Variants in CDK1 observed in about 807,000 individuals in gnomAD.
CDK1 encodes the protein cyclin-dependent kinase 1.
A neutral mutation model predicts 34.6 loss-of-function variants in CDK1; 5 were observed. The ratio of observed to expected loss-of-function variants is 0.14; its 90% CI spans 0.08 to 0.30. The LOEUF (loss-of-function observed/expected upper bound fraction) is 0.30. Among genes scored for constraint, CDK1 ranks in the 10% least tolerant of loss-of-function variants. The pLI, the probability that CDK1 is intolerant of heterozygous loss-of-function variation, is 1.00. For missense variants in CDK1, 157 were observed against 345.7 expected (o/e 0.45, Z 4.33); for synonymous variants, 108 against 114.7 (o/e 0.94, Z 0.37).
intron 2 of CDK1, 90 bp downstream of exon 2, chr10:60,780,292 T>G: frequency 1.3e-6 from 1 of 774,228 alleles, no homozygotes; most frequent in Non-Finnish European, 2.2e-6. Flanking sequence ...TTTATTAAAA[T>G]TCAACCATTA....
intron 2 of CDK1, among the ~76,000 whole-genome samples, 168 bp from the exon 3 acceptor site, chr10:60,784,537 G>T (rs531949043): frequency 3.2e-4 from 49 of 152,180 alleles, no homozygotes; most frequent in Non-Finnish European, 4.7e-4. Context: ...GGCTGCCGTG[G>T]GAGGATCCCC....
intron 2 of CDK1, among the ~76,000 whole-genome samples, chr10:60,782,683 T>C (rs945575639): frequency 2.6e-5 from 4 of 152,202 alleles, no homozygotes; most frequent in African/African-American, 9.6e-5. Flanking sequence ...CTTAGACTGA[T>C]CTCCTTCTAG....
intron 2 of CDK1, 146 bp downstream of exon 2, chr10:60,780,348 A>C (rs1462327834): frequency 1.6e-6 from 1 of 612,792 alleles, no homozygotes; most frequent in Non-Finnish European, 2.9e-6. Flanking sequence ...TTCTTTACTT[A>C]ATAAACGCAA....
At chr10:60,779,025 G>A (rs114659128) in intron 1 of CDK1, among the ~76,000 whole-genome samples, 239 of 152,338 alleles carry the variant, frequency 1.6e-3, no homozygotes, top group African/African-American at 5.4e-3. Flanking sequence ...TACAGGCGCG[G>A]GTCCCTAGAG....
At chr10:60,785,931 GT>G in intron 4 of CDK1, 144 bp downstream of exon 4, 1 of 1,281,140 alleles carries the variant, frequency 7.8e-7, no homozygotes, top group Non-Finnish European at 9.9e-7. Context: ...CTCATGGTTA[GT>G]TTATACAGGT....
chr10:60,787,898 A>G (rs2080329538), intron 4 of CDK1, 162 bp from the exon 5 acceptor site: 1 of 426,410 alleles, frequency 2.3e-6, no homozygotes, highest in Admixed American at 4.1e-5. Context: ...GATGTTGTAT[A>G]TAAATGGGCT....
At chr10:60,778,415 A>T (rs2080240928), upstream of CDK1, 1 of 152,264 alleles carries the variant, frequency 6.6e-6, no homozygotes, top group Admixed American at 6.5e-5. Flanking sequence ...CTGCTTTGAA[A>T]GTCTACGGGC....
intron 1 of CDK1, among the ~76,000 whole-genome samples, chr10:60,779,328 T>A (rs1050335504): frequency 2.0e-5 from 3 of 152,204 alleles, no homozygotes; most frequent in Non-Finnish European, 4.4e-5. Context: ...TAATTATGCC[T>A]GGAGTTCTGA....
At chr10:60,786,465 A>C (rs988367585) in intron 4 of CDK1, 1 of 516,668 alleles carries the variant, frequency 1.9e-6, no homozygotes, top group South Asian at 8.4e-5. Context: ...AACCACTTCC[A>C]TATTGATGAA....
intron 4 of CDK1, chr10:60,786,255 A>T (rs2080314949): frequency 5.1e-6 from 5 of 972,808 alleles, no homozygotes; most frequent in Non-Finnish European, 6.1e-6. Flanking sequence ...CTACCAAACC[A>T]CTCTGCAGAG....
At chr10:60,784,924 T>C in intron 3 of CDK1, 63 bp downstream of exon 3, 1 of 1,451,254 alleles carries the variant, frequency 6.9e-7, no homozygotes, top group Admixed American at 1.8e-5. Context: ...AAATTTCAAC[T>C]TGGAAATCTT....
At chr10:60,784,344 G>A (rs1288800966) in intron 2 of CDK1, among the ~76,000 whole-genome samples, 1 of 152,092 alleles carries the variant, frequency 6.6e-6, no homozygotes, top group Non-Finnish European at 1.5e-5. Context: ...AAATCCTTTA[G>A]TTTGACCAGG....
rs1325674275 is a variant in CDK1, at chr10:60,784,609, A to G, written c.38-96A>G. 6 of 1,057,112 alleles carry G rather than the reference A, an allele frequency of 5.7e-6. No homozygotes were observed. The Admixed American group carries it at 7.1e-5, about 12-fold the overall frequency. The allele number at this position is 1,057,112 out of a possible 1,614,324, so 65.5% of individuals were successfully genotyped here. ...TGACCCACTGCACTCCAACCTGGAC[A>G]AGAAAACAAGACCCTGCCATAAGGA... On this transcript the variant is annotated intron_variant, in intron 2 of 7. Transcript: ENST00000395284.
At position 60,790,933 on chromosome 10, in the gene CDK1, T is replaced by C. The variant is rs375203291; in HGVS notation, c.490-957T>C. On this transcript the variant is annotated intron_variant, in intron 5 of 7. Transcript: ENST00000395284. ...CATGATGTTTCGGTTACTATAGCTTTGTAATACATTTTTGAAGTCAGGTGA... is the reference window on the plus strand; with the variant it reads ...CATGATGTTTCGGTTACTATAGCTTCGTAATACATTTTTGAAGTCAGGTGA... 3.3e-5 allele frequency among the ~76,000 whole-genome samples: 5 copies of C among 152,330 alleles called. No individual in the cohort carries two copies. The East Asian group carries it at 9.6e-4, about 29-fold the overall frequency.
chr10:60,784,272 C>A (rs1202003358), intron 2 of CDK1, among the ~76,000 whole-genome samples: 2 of 152,180 alleles, frequency 1.3e-5, no homozygotes, highest in African/African-American at 4.8e-5. Context: ...GAGTAAGATA[C>A]TTCCCATATG....
At chr10:60,786,751 GA>G in intron 4 of CDK1, 4 of 524,020 alleles carry the variant, frequency 7.6e-6, no homozygotes, top group African/African-American at 2.1e-5. Flanking sequence ...TTAACTATGT[GA>G]AAAAGGCATA....
chr10:60,784,533 C>T (rs543184265), intron 2 of CDK1, among the ~76,000 whole-genome samples, 172 bp from the exon 3 acceptor site: 3 of 151,836 alleles, frequency 2.0e-5, no homozygotes, highest in South Asian at 2.1e-4. Flanking sequence ...GGGAGGCTGC[C>T]GTGGGAGGAT....
At chr10:60,788,020 T>A (rs2080330460) in intron 4 of CDK1, 40 bp from the exon 5 acceptor site, 1 of 988,700 alleles carries the variant, frequency 1.0e-6, no homozygotes, top group Non-Finnish European at 1.4e-6. Flanking sequence ...GAAAATCATG[T>A]ACTTCGCTTA....
chr10:60,788,445 G>T (rs1036652589), intron 5 of CDK1, among the ~76,000 whole-genome samples: 2 of 152,052 alleles, frequency 1.3e-5, no homozygotes, highest in African/African-American at 2.4e-5. Flanking sequence ...ATGTTGTTAA[G>T]GTAGAGGGTA....
Sources: allele counts gnomAD v4.1 joint callset (sites outside exome capture counted in the v4.1 genomes callset), GRCh38; gene constraint gnomAD v4.1.1; transcripts MANE v1.5; gene names NCBI Gene and HGNC (gene_info 2026-07-23, HGNC 2026-07-21).